Variants in KCNIP4 observed in about 807,000 individuals in gnomAD.
KCNIP4 encodes the protein potassium voltage-gated channel interacting protein 4.
KCNIP4 carries 12 observed loss-of-function variants against 34.0 expected under a neutral mutation model. That is an observed-to-expected ratio of 0.35 (90% CI 0.23 to 0.57). The LOEUF is 0.57. Ranked by LOEUF, KCNIP4 falls within the 20% of genes least tolerant of loss-of-function variation. The probability of loss-of-function intolerance (pLI) is 0.83; values close to 1 mark genes in which losing one functional copy is unlikely to be tolerated. For missense variants in KCNIP4, 238 were observed against 311.7 expected (o/e 0.76, Z 1.78); for synonymous variants, 124 against 102.2 (o/e 1.21, Z -1.29).
Position 21,223,505 on chromosome 4 carries a change from C to T in KCNIP4, c.62-340796G>A, listed in dbSNP as rs142017612. 1.1e-3 allele frequency among the ~76,000 whole-genome samples: 162 copies of T among 152,278 alleles called. 1 individual carries two copies. Among genetic ancestry groups the T allele is most frequent in the Middle Eastern group, 3.4e-3 (1 of 294 alleles). On this transcript the variant is annotated intron_variant, in intron 1 of 8. Coordinates refer to ENST00000382152, the MANE Select transcript of KCNIP4 (RefSeq NM_025221.6). ...TTGCATATGAATCGTCTCAGCAGTT[C>T]AATCATTCTCTCTGTGCATCAGTTT...
intron 1 of KCNIP4, among the ~76,000 whole-genome samples, chr4:21,297,131 G>A (rs966982747): frequency 6.7e-6 from 1 of 150,038 alleles, no homozygotes; most frequent in African/African-American, 2.5e-5. Flanking sequence ...TATTTGGAAA[G>A]GAGATGAATA....
At chr4:21,490,578 G>C (rs1290245466) in intron 1 of KCNIP4, among the ~76,000 whole-genome samples, 1 of 152,016 alleles carries the variant, frequency 6.6e-6, no homozygotes, top group East Asian at 1.9e-4. Context: ...ACTCATTTAG[G>C]AAATAAGATT....
chr4:21,912,070 T>C (rs1513578), intron 1 of KCNIP4, among the ~76,000 whole-genome samples: 37,799 of 151,994 alleles, frequency 0.25, 5,576 homozygotes, highest in East Asian at 0.61. Flanking sequence ...ACTGCAACAT[T>C]ATTTCTGTGA....
chr4:21,576,489 A>G (rs1740749984), intron 1 of KCNIP4, among the ~76,000 whole-genome samples: 1 of 152,212 alleles, frequency 6.6e-6, no homozygotes, highest in Admixed American at 6.5e-5. Context: ...ATACCAAAGT[A>G]GAAACATTAG....
intron 1 of KCNIP4, among the ~76,000 whole-genome samples, chr4:21,283,509 T>C (rs1341541917): frequency 6.6e-6 from 1 of 151,950 alleles, no homozygotes; most frequent in African/African-American, 2.4e-5. Context: ...TTTTCATTTG[T>C]CTTTCTTGTA....
At chr4:21,552,258 C>T (rs566952517) in intron 1 of KCNIP4, among the ~76,000 whole-genome samples, 2 of 152,070 alleles carry the variant, frequency 1.3e-5, no homozygotes, top group African/African-American at 4.8e-5. Flanking sequence ...TCTTTCAGTT[C>T]AACCTACAGA....
intron 1 of KCNIP4, among the ~76,000 whole-genome samples, chr4:21,391,312 C>G (rs1198099582): frequency 6.6e-6 from 1 of 151,476 alleles, no homozygotes; most frequent in Non-Finnish European, 1.5e-5. Flanking sequence ...TTGGGACACT[C>G]AAGATCAGCA....
chr4:21,562,601 T>C (rs1469879109), intron 1 of KCNIP4, among the ~76,000 whole-genome samples: 2 of 152,042 alleles, frequency 1.3e-5, no homozygotes, highest in Non-Finnish European at 2.9e-5. Flanking sequence ...AGAACACATG[T>C]TTATTGCATA....
intron 1 of KCNIP4, among the ~76,000 whole-genome samples, chr4:21,209,276 C>T (rs2108973246): frequency 6.6e-6 from 1 of 152,192 alleles, no homozygotes; most frequent in Non-Finnish European, 1.5e-5. Flanking sequence ...CACTCAGTAT[C>T]CTTCTAACTA....
At chr4:20,869,197 G>A (rs1723172540) in intron 2 of KCNIP4, among the ~76,000 whole-genome samples, 1 of 151,958 alleles carries the variant, frequency 6.6e-6, no homozygotes, top group South Asian at 2.1e-4. Flanking sequence ...TATCAGTGAT[G>A]ACAAAAGTAT....
At chr4:21,853,739 CTATCTGTCTAGGG>C (rs1560763600) in intron 1 of KCNIP4, among the ~76,000 whole-genome samples, 1 of 152,146 alleles carries the variant, frequency 6.6e-6, no homozygotes, top group Non-Finnish European at 1.5e-5. Flanking sequence ...CTGAGAAAAG[CTATCTGTCTAGGG>C]TATCCATAAG....
At chr4:21,937,862 T>C (rs1303498308) in intron 1 of KCNIP4, among the ~76,000 whole-genome samples, 1 of 152,078 alleles carries the variant, frequency 6.6e-6, no homozygotes, top group Non-Finnish European at 1.5e-5. Context: ...CTGCCTGCTG[T>C]TTTACTCCCT....
At chr4:20,740,767 G>A (rs543512521) in intron 5 of KCNIP4, among the ~76,000 whole-genome samples, 11 of 152,224 alleles carry the variant, frequency 7.2e-5, no homozygotes, top group Admixed American at 5.2e-4. Flanking sequence ...CCAATTAAAA[G>A]ACACAAACTG....
chr4:21,212,012 G>A (rs533698393), intron 1 of KCNIP4, among the ~76,000 whole-genome samples: 4 of 152,136 alleles, frequency 2.6e-5, no homozygotes, highest in Non-Finnish European at 4.4e-5. Flanking sequence ...CAACAAAGAA[G>A]GTGCCAGATG....
chr4:20,799,388 C>A (rs190767906), intron 3 of KCNIP4, among the ~76,000 whole-genome samples: 1 of 152,198 alleles, frequency 6.6e-6, no homozygotes, highest in Non-Finnish European at 1.5e-5. Flanking sequence ...GCTCCCCAGG[C>A]ATCTGGCAGC....
chr4:21,496,608 TC>T (rs1451267584), intron 1 of KCNIP4, among the ~76,000 whole-genome samples: 1 of 152,132 alleles, frequency 6.6e-6, no homozygotes, highest in Non-Finnish European at 1.5e-5. Flanking sequence ...TTCAGTAGCC[TC>T]CCATTGCCTA....
At chr4:21,263,317 G>T (rs559049195) in intron 1 of KCNIP4, among the ~76,000 whole-genome samples, 1 of 152,284 alleles carries the variant, frequency 6.6e-6, no homozygotes, top group East Asian at 1.9e-4. Flanking sequence ...AATATTCAGA[G>T]CTAAGGAATG....
At chr4:21,085,854 A>G (rs1746380938) in intron 1 of KCNIP4, among the ~76,000 whole-genome samples, 2 of 152,172 alleles carry the variant, frequency 1.3e-5, no homozygotes, top group South Asian at 4.1e-4. Context: ...TGACCTTATA[A>G]TCATCCAGAA....
At chr4:21,213,092 G>C (rs1227929420) in intron 1 of KCNIP4, among the ~76,000 whole-genome samples, 2 of 152,060 alleles carry the variant, frequency 1.3e-5, no homozygotes, top group Non-Finnish European at 2.9e-5. Context: ...CAGGGATTTT[G>C]GCTCTCATCA....
Sources: allele counts gnomAD v4.1 joint callset (sites outside exome capture counted in the v4.1 genomes callset), GRCh38; gene constraint gnomAD v4.1.1; transcripts MANE v1.5; gene names NCBI Gene and HGNC (gene_info 2026-07-23, HGNC 2026-07-21).